LRRC7: variants seen among roughly 807,000 people sequenced by gnomAD.
LRRC7 encodes leucine rich repeat containing 7.
LRRC7 carries 23 observed loss-of-function variants against 175.7 expected under a neutral mutation model. The ratio of observed to expected loss-of-function variants is 0.13; its 90% CI spans 0.09 to 0.19. The LOEUF (loss-of-function observed/expected upper bound fraction) is 0.19, where lower values mean the gene tolerates loss of function less well. Ranked by LOEUF, LRRC7 falls within the 10% of genes least tolerant of loss-of-function variation. LRRC7 has a pLI of 1.00. For synonymous variants in LRRC7, 685 were observed against 680.9 expected, an observed-to-expected ratio of 1.01 and a Z score of -0.09; for missense variants, 1,354 against 1,904.7, an observed-to-expected ratio of 0.71 and a Z score of 5.38.
intron 2 of LRRC7, among the ~76,000 whole-genome samples, chr1:69,684,193 G>T (rs908855758): frequency 2.0e-5 from 3 of 152,130 alleles, no homozygotes; most frequent in African/African-American, 7.2e-5. Context: ...TCTCTGAGCA[G>T]CAAGAACTCC....
chr1:69,712,261 C>T lies in LRRC7; in HGVS notation c.100+33783C>T, dbSNP rs563967083. 3.3e-5 allele frequency among the ~76,000 whole-genome samples: 5 copies of T among 150,430 alleles called. No homozygotes were observed. In the South Asian group the frequency reaches 8.5e-4, roughly 25 times the overall value. ...ACACACACACACACACACACACACA[C>T]GTGCACACGCGCAAGTGCTTTAAAA... On this transcript the variant is annotated intron_variant, in intron 2 of 26. Coordinates refer to ENST00000651989, the MANE Select transcript of LRRC7 (RefSeq NM_001370785.2).
At chr1:69,928,240 G>T (rs1256787852) in intron 7 of LRRC7, among the ~76,000 whole-genome samples, 1 of 152,190 alleles carries the variant, frequency 6.6e-6, no homozygotes, top group Admixed American at 6.5e-5. Context: ...CAGTTAGGCT[G>T]CTCGGGGGTC....
chr1:69,965,104 A>G (rs1039750249), intron 8 of LRRC7, among the ~76,000 whole-genome samples: 9 of 152,212 alleles, frequency 5.9e-5, no homozygotes, highest in African/African-American at 2.2e-4. Context: ...TGACTGAATG[A>G]ATTCACTTAT....
At chr1:70,083,021 G>A (rs937715609) in intron 24 of LRRC7, among the ~76,000 whole-genome samples, 1 of 151,844 alleles carries the variant, frequency 6.6e-6, no homozygotes, top group Admixed American at 6.6e-5. Context: ...CTGGGCTCAA[G>A]TGATCCACCC....
At chr1:70,053,170 CA>C in intron 23 of LRRC7, 25 bp downstream of exon 23, 2 of 1,590,844 alleles carry the variant, frequency 1.3e-6, no homozygotes. Context: ...ATTAACAAGA[CA>C]AACCATGAAC....
chr1:70,084,946 T>A (rs1409942428), intron 24 of LRRC7, among the ~76,000 whole-genome samples: 1 of 152,180 alleles, frequency 6.6e-6, no homozygotes, highest in Non-Finnish European at 1.5e-5. Flanking sequence ...ATGTATCTTC[T>A]TTGGAGAAAC....
chr1:69,740,439 C>T (rs892841869), intron 2 of LRRC7, among the ~76,000 whole-genome samples: 2 of 152,042 alleles, frequency 1.3e-5, no homozygotes. Context: ...AAAATAAAAA[C>T]TTCAGCTGAA....
chr1:69,596,925 T>G (rs932007951), intron 1 of LRRC7, among the ~76,000 whole-genome samples: 3 of 152,232 alleles, frequency 2.0e-5, no homozygotes, highest in African/African-American at 4.8e-5. Context: ...GTGTATTGAA[T>G]GAGAACAATC....
chr1:69,840,381 G>C (rs1420292078), intron 7 of LRRC7, among the ~76,000 whole-genome samples: 1 of 151,958 alleles, frequency 6.6e-6, no homozygotes, highest in Non-Finnish European at 1.5e-5. Flanking sequence ...AAAAATAAAG[G>C]TGAAAACATA....
chr1:70,016,347 A>G (rs370377895), intron 13 of LRRC7, 118 bp from the exon 14 acceptor site: 4 of 649,058 alleles, frequency 6.2e-6, no homozygotes, highest in South Asian at 6.3e-5. Context: ...AGGCTGCTCA[A>G]TGGAGAAGGG....
At chr1:69,998,419 A>AG (rs1553186923) in intron 11 of LRRC7, among the ~76,000 whole-genome samples, 3 of 151,410 alleles carry the variant, frequency 2.0e-5, no homozygotes, top group African/African-American at 7.3e-5. Context: ...AGTCTCAGCC[A>AG]TTTTTTTTTA....
intron 4 of LRRC7, among the ~76,000 whole-genome samples, chr1:69,802,063 C>G (rs112593826): frequency 1.3e-5 from 2 of 150,738 alleles, no homozygotes; most frequent in African/African-American, 4.9e-5. Context: ...AGTTTTATTC[C>G]GCTGTAGTCT....
intron 1 of LRRC7, among the ~76,000 whole-genome samples, chr1:69,666,900 G>A (rs1658349989): frequency 6.6e-6 from 1 of 151,900 alleles, no homozygotes; most frequent in African/African-American, 2.4e-5. Flanking sequence ...TGCATCATTA[G>A]GTTGTTTATT....
At chr1:69,698,900 C>G (rs945883301) in intron 2 of LRRC7, among the ~76,000 whole-genome samples, 1 of 152,168 alleles carries the variant, frequency 6.6e-6, no homozygotes, top group Non-Finnish European at 1.5e-5. Context: ...TCCTACCTCA[C>G]TCACCTTCCC....
intron 1 of LRRC7, among the ~76,000 whole-genome samples, chr1:69,638,286 C>A (rs112621550): frequency 9.0e-4 from 136 of 151,748 alleles, no homozygotes; most frequent in African/African-American, 3.1e-3. Flanking sequence ...CATTTCTAAC[C>A]CTGTGCCTGA....
intron 2 of LRRC7, among the ~76,000 whole-genome samples, chr1:69,690,020 T>C (rs938265890): frequency 1.3e-5 from 2 of 152,206 alleles, no homozygotes; most frequent in Non-Finnish European, 2.9e-5. Flanking sequence ...TGAAGCATTT[T>C]AGTTATATGT....
chr1:69,754,893 A>C (rs1670233662), intron 2 of LRRC7, among the ~76,000 whole-genome samples: 1 of 152,054 alleles, frequency 6.6e-6, no homozygotes, highest in South Asian at 2.1e-4. Context: ...ATGAAAAATG[A>C]AGTGAGAGTT....
At chr1:69,591,484 G>T (rs1268019303) in intron 1 of LRRC7, among the ~76,000 whole-genome samples, 1 of 151,894 alleles carries the variant, frequency 6.6e-6, no homozygotes, top group Non-Finnish European at 1.5e-5. Flanking sequence ...TTGAAGGAAG[G>T]CCATATGATC....
At chr1:69,733,015 G>C (rs1667745431) in intron 2 of LRRC7, among the ~76,000 whole-genome samples, 1 of 151,924 alleles carries the variant, frequency 6.6e-6, no homozygotes, top group African/African-American at 2.4e-5. Context: ...ATCTAGATGT[G>C]TTTCTGCAGA....
Sources: gnomAD v4.1 joint callset for allele counts (sites outside exome capture counted in the v4.1 genomes callset) on GRCh38, gnomAD v4.1.1 for gene constraint, MANE v1.5 for transcripts, NCBI Gene and HGNC (gene_info 2026-07-23, HGNC 2026-07-21) for gene names.